Variants in SETDB2 observed in about 807,000 individuals in gnomAD.
SETDB2 encodes the protein SET domain bifurcated histone lysine methyltransferase 2, also known as histone-lysine N-methyltransferase SETDB2.
A neutral mutation model predicts 82.5 loss-of-function variants in SETDB2; 56 were observed. The ratio of observed to expected loss-of-function variants is 0.68; its 90% CI spans 0.55 to 0.85. The LOEUF is 0.85. Among genes scored for constraint, SETDB2 ranks in the 40% least tolerant of loss-of-function variants. SETDB2 has a pLI of 0.00. For synonymous variants in SETDB2, 272 were observed against 284.9 expected, an observed-to-expected ratio of 0.95 and a Z score of 0.46; for missense variants, 677 against 816.4, an observed-to-expected ratio of 0.83 and a Z score of 2.08.
intron 4 of SETDB2, among the ~76,000 whole-genome samples, chr13:49,464,284 T>C (rs2138874177): frequency 6.6e-6 from 1 of 152,260 alleles, no homozygotes; most frequent in Admixed American, 6.5e-5. Context: ...GACAATTGAG[T>C]TTCTTTTTGG....
chr13:49,476,201 A>G (rs1036910288), intron 5 of SETDB2, among the ~76,000 whole-genome samples: 3 of 152,202 alleles, frequency 2.0e-5, no homozygotes, highest in African/African-American at 4.8e-5. Context: ...CAGGAGGATC[A>G]CTTGGGGACA....
chr13:49,453,561 G>A (rs1055545327), intron 2 of SETDB2, among the ~76,000 whole-genome samples: 2 of 152,096 alleles, frequency 1.3e-5, no homozygotes, highest in Non-Finnish European at 2.9e-5. Context: ...GCCTCCCAAA[G>A]CGCTGGGATT....
chr13:49,463,262 C>T (rs752252815), intron 4 of SETDB2, among the ~76,000 whole-genome samples: 4 of 152,056 alleles, frequency 2.6e-5, no homozygotes, highest in South Asian at 2.1e-4. Context: ...CTGCCTGCCT[C>T]GGCCTCCCAA....
intron 4 of SETDB2, among the ~76,000 whole-genome samples, chr13:49,461,377 A>G (rs185287123): frequency 1.9e-4 from 29 of 152,356 alleles, no homozygotes; most frequent in Middle Eastern, 3.4e-3. Context: ...AGCCTAGGGA[A>G]AGAATTAACA....
At chr13:49,483,079 GTTGT>G in intron 9 of SETDB2, 117 bp downstream of exon 9, 1 of 700,658 alleles carries the variant, frequency 1.4e-6, no homozygotes, top group East Asian at 2.7e-5. Context: ...TTGCTTCAAA[GTTGT>G]TAAGTCTAAC....
chr13:49,455,646 G>C (rs1037258644), intron 2 of SETDB2, among the ~76,000 whole-genome samples: 12 of 152,078 alleles, frequency 7.9e-5, no homozygotes, highest in African/African-American at 2.9e-4. Flanking sequence ...CTTGAATTTT[G>C]TCATTAGCAA....
At chr13:49,474,354 T>G (rs182028624) in intron 5 of SETDB2, among the ~76,000 whole-genome samples, 1 of 152,346 alleles carries the variant, frequency 6.6e-6, no homozygotes, top group East Asian at 1.9e-4. Context: ...ACCTGATTGA[T>G]GAAACTCTGT....
At chr13:49,482,697 T>C in intron 8 of SETDB2, 40 bp from the exon 9 acceptor site, 2 of 1,288,316 alleles carry the variant, frequency 1.6e-6, no homozygotes, top group Non-Finnish European at 2.2e-6. Flanking sequence ...TTAGCAATTA[T>C]CTTCTGTGTT....
intron 8 of SETDB2, 135 bp from the exon 9 acceptor site, chr13:49,482,602 G>A: frequency 1.6e-6 from 1 of 629,278 alleles, no homozygotes; most frequent in Non-Finnish European, 2.6e-6. Flanking sequence ...CAACAGTTTT[G>A]TAGGATGAGT....
intron 2 of SETDB2, among the ~76,000 whole-genome samples, chr13:49,455,508 T>C (rs796257712): frequency 9.8e-5 from 15 of 152,294 alleles, no homozygotes; most frequent in African/African-American, 3.6e-4. Flanking sequence ...CATTTAATCA[T>C]ATAATTTTAA....
chr13:49,477,205 G>T (rs1288032913), intron 6 of SETDB2, among the ~76,000 whole-genome samples, 166 bp downstream of exon 6: 1 of 152,224 alleles, frequency 6.6e-6, no homozygotes, highest in Non-Finnish European at 1.5e-5. Context: ...GGGAGACCGA[G>T]TGGGAGGCCA....
Position 49,479,582 on chromosome 13 carries a change from G to A in SETDB2, c.870-637G>A, listed in dbSNP as rs76424973. ...TCAGCAAAGGAGACTAAGATCCAGA[G>A]ATTTTAACCAGCTCACCAGCAGTCA... On this transcript the variant is annotated intron_variant, in intron 6 of 13. Coordinates refer to ENST00000611815, the MANE Select transcript of SETDB2 (RefSeq NM_001160308.3). Among the ~76,000 whole-genome samples, 1,415 of 152,254 alleles carry A rather than the reference G, an allele frequency of 9.3e-3. 14 individuals are homozygous for A. Among genetic ancestry groups the A allele is most frequent in the African/African-American group, 0.032 (1,320 of 41,538 alleles).
At chr13:49,449,706 T>C (rs1198344200) in intron 1 of SETDB2, among the ~76,000 whole-genome samples, 1 of 152,208 alleles carries the variant, frequency 6.6e-6, no homozygotes, top group Non-Finnish European at 1.5e-5. Flanking sequence ...TTCTCTCATC[T>C]TGAAACAATC....
At chr13:49,458,607 C>G (rs377679952) in intron 2 of SETDB2, among the ~76,000 whole-genome samples, 1 of 152,152 alleles carries the variant, frequency 6.6e-6, no homozygotes, top group Non-Finnish European at 1.5e-5. Flanking sequence ...TGTATGTTCT[C>G]CCTATGGAAT....
intron 5 of SETDB2, among the ~76,000 whole-genome samples, chr13:49,471,328 T>C (rs1253179230): frequency 6.6e-6 from 1 of 152,042 alleles, no homozygotes; most frequent in Non-Finnish European, 1.5e-5. Flanking sequence ...AAGTGAGTTA[T>C]GACATAGGTA....
At chr13:49,485,939 T>C in intron 11 of SETDB2, 1 of 643,654 alleles carries the variant, frequency 1.6e-6, no homozygotes, top group South Asian at 1.7e-5. Flanking sequence ...AAGAATGATA[T>C]TTATGTTTTT....
At chr13:49,459,038 A>G (rs1957944055) in intron 2 of SETDB2, among the ~76,000 whole-genome samples, 1 of 152,188 alleles carries the variant, frequency 6.6e-6, no homozygotes, top group Admixed American at 6.5e-5. Flanking sequence ...AAATCTTGAA[A>G]TTTTGTTTGA....
At chr13:49,462,550 T>C (rs1353826128) in intron 4 of SETDB2, among the ~76,000 whole-genome samples, 1 of 152,240 alleles carries the variant, frequency 6.6e-6, no homozygotes, top group Non-Finnish European at 1.5e-5. Context: ...ATGTTACATG[T>C]ACTAAGACTT....
intron 1 of SETDB2, chr13:49,445,409 ATTAT>A (rs1257896475): frequency 6.6e-6 from 1 of 152,230 alleles, no homozygotes; most frequent in Non-Finnish European, 1.5e-5. Context: ...GACTGGCTTA[ATTAT>A]TTTTCTACCA....
Sources: gnomAD v4.1 joint callset for allele counts (sites outside exome capture counted in the v4.1 genomes callset) on GRCh38, gnomAD v4.1.1 for gene constraint, MANE v1.5 for transcripts, NCBI Gene and HGNC (gene_info 2026-07-23, HGNC 2026-07-21) for gene names.